ZDHHC8: variants seen among roughly 807,000 people sequenced by gnomAD.
ZDHHC8 encodes zDHHC palmitoyltransferase 8, also known as palmitoyltransferase ZDHHC8.
In ZDHHC8, 24 loss-of-function variants were observed where a neutral mutation model predicts 61.2. The observed-to-expected ratio is 0.39, with a 90% confidence interval of 0.28 to 0.55. The LOEUF is 0.55. ZDHHC8 is among the 20% of genes least tolerant of loss of function. The pLI, the probability that ZDHHC8 is intolerant of heterozygous loss-of-function variation, is 0.60. For missense variants in ZDHHC8, 935 were observed against 1,102.1 expected, an observed-to-expected ratio of 0.85 and a Z score of 2.15; for synonymous variants, 523 against 492.5, an observed-to-expected ratio of 1.06 and a Z score of -0.82.
At position 20,146,625 on chromosome 22, in the gene ZDHHC8, G is replaced by A. The variant is rs531433712; in HGVS notation, c.*1225G>A. ...TTGGGCTGAGTCAGAGGCTTGGGAAGAGGGGGCGGCCGATGGTCTGTGGCT... is the reference window on the plus strand; with the variant it reads ...TTGGGCTGAGTCAGAGGCTTGGGAAAAGGGGGCGGCCGATGGTCTGTGGCT... On this transcript the variant is annotated 3_prime_UTR_variant, in exon 11 of 11. Coordinates refer to ENST00000334554, the MANE Select transcript of ZDHHC8 (RefSeq NM_013373.4). 96 of 1,003,252 alleles carry A rather than the reference G, an allele frequency of 9.6e-5. No homozygotes were observed. In the African/African-American group the frequency reaches 1.6e-3, roughly 17 times the overall value. 62.1% of individuals were successfully genotyped at this position (1,003,252 alleles called of 1,614,324 possible).
At chr22:20,142,642 C>T (rs2050480338) in intron 9 of ZDHHC8, 114 bp from the exon 10 acceptor site, 6 of 1,388,934 alleles carry the variant, frequency 4.3e-6, no homozygotes, top group Non-Finnish European at 9.9e-7. Context: ...TCTTATGGCT[C>T]CTTGAGGCCC....
chr22:20,140,541 C>A, intron 5 of ZDHHC8, 76 bp from the exon 6 acceptor site: 1 of 1,411,290 alleles, frequency 7.1e-7, no homozygotes, highest in Non-Finnish European at 9.5e-7. Flanking sequence ...GGAACCCCAG[C>A]TCCCTTGCCC....
rs2050528314 is a variant in ZDHHC8, at chr22:20,146,668, C to T, written c.*1268C>T. 9.5e-7 allele frequency: 1 copy of T among 1,049,436 alleles called. No homozygotes were observed. The highest frequency in any genetic ancestry group is 1.7e-5 in the African/African-American group (1 of 59,734). The allele number at this position is 1,049,436 out of a possible 1,614,324, so 65.0% of individuals were successfully genotyped here. ...CTGTGGCTGGGAAGTGTGAGGGTCTCTCGCCTTGGGTCTGTGTCAGTTCTG... is the reference window on the plus strand; with the variant it reads ...CTGTGGCTGGGAAGTGTGAGGGTCTTTCGCCTTGGGTCTGTGTCAGTTCTG... On this transcript the variant is annotated 3_prime_UTR_variant, in exon 11 of 11. Coordinates refer to ENST00000334554, the MANE Select transcript of ZDHHC8 (RefSeq NM_013373.4).
Position 20,142,944 on chromosome 22 carries a change from G to C in ZDHHC8, c.1314G>C (p.Ser438=). The change falls in exon 10 of 11, where the codon TCG becomes TCC. Residue 438 remains serine (S), a synonymous_variant. Transcript: ENST00000334554. ...TGCGCTCCCTGAGCCTCAAGGCCTCGAGCCGGCGGGGCGGGGATCATGTGG... is the reference window on the plus strand; with the variant it reads ...TGCGCTCCCTGAGCCTCAAGGCCTCCAGCCGGCGGGGCGGGGATCATGTGG... ...GALRSLSLKA[S]SRRGGDHVAL... 1 of 1,602,218 alleles carries C rather than the reference G, an allele frequency of 6.2e-7. No homozygotes were observed. Among genetic ancestry groups the C allele is most frequent in the South Asian group, 1.1e-5 (1 of 90,408 alleles).
In ZDHHC8 at chr22:20,145,923, C is replaced by T; in HGVS notation, c.*523C>T. On this transcript the variant is annotated 3_prime_UTR_variant, in exon 11 of 11. Transcript: ENST00000334554. ...CACGGACCCCGCTGGAAGCTTGTAG[C>T]TTGGCAAGGCTGATGCTTCTGCCCT... 2 of 985,798 alleles carry T rather than the reference C, an allele frequency of 2.0e-6. No homozygotes were observed. Among genetic ancestry groups the T allele is most frequent in the Non-Finnish European group, 2.4e-6 (2 of 830,032 alleles). The allele number at this position is 985,798 out of a possible 1,614,324, so 61.1% of individuals were successfully genotyped here. A position where few individuals can be genotyped will look rare whatever the true frequency, so the allele number is the denominator to read the frequency against.
At chr22:20,134,963 A>G (rs1460954661) in intron 1 of ZDHHC8, among the ~76,000 whole-genome samples, 2 of 151,742 alleles carry the variant, frequency 1.3e-5, no homozygotes, top group Non-Finnish European at 2.9e-5. Flanking sequence ...ACAGGGTCTC[A>G]CTCTGTCACC....
At chr22:20,140,500 TA>T in intron 5 of ZDHHC8, 116 bp from the exon 6 acceptor site, 2 of 1,144,684 alleles carry the variant, frequency 1.7e-6, no homozygotes, top group Non-Finnish European at 2.4e-6. Flanking sequence ...TGATCCCACC[TA>T]AGCCACTTCC....
At chr22:20,132,668 C>G (rs1379522014) in intron 1 of ZDHHC8, among the ~76,000 whole-genome samples, 1 of 152,218 alleles carries the variant, frequency 6.6e-6, no homozygotes, top group Non-Finnish European at 1.5e-5. Flanking sequence ...ACATCACCTC[C>G]GTGGGCTGGC....
At chr22:20,141,753 A>G (rs774263939) in intron 9 of ZDHHC8, among the ~76,000 whole-genome samples, 5 of 152,176 alleles carry the variant, frequency 3.3e-5, no homozygotes, top group Non-Finnish European at 7.4e-5. Flanking sequence ...GCTGGGACCC[A>G]CAGAGGGGAG....
Position 20,147,324 on chromosome 22 carries a change from G to A in ZDHHC8, c.*1924G>A. 1.6e-6 allele frequency: 2 copies of A among 1,274,498 alleles called. No individual in the cohort carries two copies. Among genetic ancestry groups the A allele is most frequent in the Non-Finnish European group, 2.1e-6 (2 of 969,264 alleles). The allele number at this position is 1,274,498 out of a possible 1,614,324, so 78.9% of individuals were successfully genotyped here. A position where few individuals can be genotyped will look rare whatever the true frequency, so the allele number is the denominator to read the frequency against. On this transcript the variant is annotated 3_prime_UTR_variant, in exon 11 of 11. Coordinates refer to ENST00000334554, the MANE Select transcript of ZDHHC8 (RefSeq NM_013373.4). ...AGTGGACCCTGGGGCAGGGCTGGGG[G>A]TGGGCTGGGCTCTCTGCTCCACCAG...
rs750227202 is a variant in ZDHHC8, at chr22:20,141,249, G to A, written c.927G>A (p.Lys309=). 70 of 1,612,494 alleles carry A rather than the reference G, an allele frequency of 4.3e-5. No individual in the cohort carries two copies. The highest frequency in any genetic ancestry group is 5.8e-5 in the Non-Finnish European group (68 of 1,179,892). ...GCAGCCTGGACCGGCTGGATGAGAA[G>A]CCACTGGACTTGGGGCCACCACTGC... is the stretch of plus-strand genomic sequence containing the variant. ...SKGSLDRLDE[K]PLDLGPPLPP... Residue 309 remains lysine (K), a synonymous_variant, in exon 8 of 11, where the codon AAG becomes AAA. Transcript: ENST00000334554.
chr22:20,138,405 G>A lies in ZDHHC8; in HGVS notation c.105-789G>A, dbSNP rs549129285. On this transcript the variant is annotated intron_variant, in intron 1 of 10. Coordinates refer to ENST00000334554, the MANE Select transcript of ZDHHC8 (RefSeq NM_013373.4). ...TGCAGGCCGTGTGGCCCGAGGACCGGCAAGTCTCTTCAGAGGGGACTCGGG... is the reference window on the plus strand; with the variant it reads ...TGCAGGCCGTGTGGCCCGAGGACCGACAAGTCTCTTCAGAGGGGACTCGGG... 2.5e-3 allele frequency among the ~76,000 whole-genome samples: 383 copies of A among 152,362 alleles called. 4 individuals carry two copies. The highest frequency in any genetic ancestry group is 8.9e-3 in the African/African-American group (370 of 41,580).
chr22:20,137,394 G>A (rs372801217), intron 1 of ZDHHC8, among the ~76,000 whole-genome samples: 1 of 152,358 alleles, frequency 6.6e-6, no homozygotes, highest in African/African-American at 2.4e-5. Context: ...GGCAGCCAGC[G>A]CAGGTGCAGA....
chr22:20,142,999 C>A lies in ZDHHC8; in HGVS notation c.1369C>A (p.Pro457Thr). The A allele has an allele frequency of 1.9e-6, 3 of 1,603,398 alleles. No individual in the cohort carries two copies. Among genetic ancestry groups the A allele is most frequent in the Non-Finnish European group, 1.7e-6 (2 of 1,174,046 alleles). Residue 457 changes from proline (P) to threonine (T), a missense_variant, in exon 10 of 11, where the codon CCC (proline) becomes ACC (threonine). Physicochemically the swap from Pro to Thr is conservative, Grantham distance 38. Around this residue, in one of 3 missense-constraint regions of ZDHHC8, gnomAD observed 692 missense variants for 731.4 expected, o/e 0.95. Transcript: ENST00000334554. Reference sequence around the variant, plus strand: ...GCAGCCCCTGCGCTCTGAGGGGGGGCCCCCCACGCCCCACCGTAGCATTTT... The same window carrying A: ...GCAGCCCCTGCGCTCTGAGGGGGGGACCCCCACGCCCCACCGTAGCATTTT... Reference protein sequence around the residue: ...ALQPLRSEGGPPTPHRSIFAP... With the variant: ...ALQPLRSEGGTPTPHRSIFAP...
Position 20,145,687 on chromosome 22 carries a change from C to T in ZDHHC8, c.*287C>T, listed in dbSNP as rs2050515892. The T allele has an allele frequency of 9.4e-7, 1 of 1,067,908 alleles. No individual in the cohort carries two copies. The highest frequency in any genetic ancestry group is 1.1e-6 in the Non-Finnish European group (1 of 882,942). The allele number at this position is 1,067,908 out of a possible 1,614,324, so 66.2% of individuals were successfully genotyped here. A position where few individuals can be genotyped will look rare whatever the true frequency, so the allele number is the denominator to read the frequency against. ...GGCAGTGAGGGGGCCCAGTCAGCCT[C>T]TTTGGGGCACCCTCTCTCAGCCAGG... On this transcript the variant is annotated 3_prime_UTR_variant, in exon 11 of 11. Transcript: ENST00000334554.
At chr22:20,139,923 G>A (rs763604678) in intron 4 of ZDHHC8, 31 bp downstream of exon 4, 13 of 1,605,780 alleles carry the variant, frequency 8.1e-6, no homozygotes, top group Non-Finnish European at 1.1e-5. Context: ...CCTCATTGCA[G>A]AGGCGATGTG....
chr22:20,132,016 G>A lies in ZDHHC8; in HGVS notation c.69G>A (p.Leu23=). The A allele has an allele frequency of 7.2e-7, 1 of 1,391,592 alleles. No individual in the cohort carries two copies. Among genetic ancestry groups the A allele is most frequent in the Non-Finnish European group, 9.5e-7 (1 of 1,057,252 alleles). The allele number at this position is 1,391,592 out of a possible 1,614,324, so 86.2% of individuals were successfully genotyped here. The stretch of plus-strand genomic sequence containing the variant: ...TCCCGGTGGCCACGGCCGCCGCGCT[G>A]CTGGTCGGCTCCAGCACCCTCTTCT... ...KYIPVATAAA[L]LVGSSTLFFV... The change falls in exon 1 of 11, where the codon CTG becomes CTA. Residue 23 remains leucine, a synonymous_variant. Transcript: ENST00000334554.
Position 20,131,982 on chromosome 22 carries a change from C to T in ZDHHC8, c.35C>T (p.Ala12Val). The T allele has an allele frequency of 2.2e-6, 3 of 1,363,154 alleles. No individual in the cohort carries two copies. The highest frequency in any genetic ancestry group is 1.5e-5 in the African/African-American group (1 of 65,818). 84.4% of individuals were successfully genotyped at this position (1,363,154 alleles called of 1,614,324 possible). A position where few individuals can be genotyped will look rare whatever the true frequency, so the allele number is the denominator to read the frequency against. Residue 12 changes from alanine (A) to valine (V), a missense_variant, in exon 1 of 11, where the codon GCC becomes GTC. By Grantham distance (64) the Ala-to-Val change is moderately conservative. Around this residue, in one of 3 missense-constraint regions of ZDHHC8, gnomAD observed 44 missense variants for 36.6 expected, o/e 1.20. Coordinates refer to ENST00000334554, the MANE Select transcript of ZDHHC8 (RefSeq NM_013373.4). ...AGCCCCGGGACGCGCCTCAAACCCG[C>T]CAAGTACATCCCGGTGGCCACGGCC... The part of the protein sequence containing the change: ...PRSPGTRLKP[A>V]KYIPVATAAA...
chr22:20,146,300 C>T lies in ZDHHC8; in HGVS notation c.*900C>T, dbSNP rs888376285. On this transcript the variant is annotated 3_prime_UTR_variant, in exon 11 of 11. Coordinates refer to ENST00000334554, the MANE Select transcript of ZDHHC8 (RefSeq NM_013373.4). ...CCCGGCCTGGCTGCGGTGCTCGCGCCGTGGGAAAGCACACTGGGGAGGGGT... is the reference window on the plus strand; with the variant it reads ...CCCGGCCTGGCTGCGGTGCTCGCGCTGTGGGAAAGCACACTGGGGAGGGGT... 2.8e-5 allele frequency: 28 copies of T among 985,478 alleles called. No homozygotes were observed. The South Asian group carries it at 4.2e-4, about 15-fold the overall frequency. 61.0% of individuals were successfully genotyped at this position (985,478 alleles called of 1,614,324 possible).
Sources: gnomAD v4.1 joint callset for allele counts (sites outside exome capture counted in the v4.1 genomes callset) on GRCh38, gnomAD v4.1.1 for gene constraint, gnomAD v4.1.1 regional missense constraint, MANE v1.5 for transcripts, NCBI Gene and HGNC (gene_info 2026-07-23, HGNC 2026-07-21) for gene names.